Variants in EFNA5 observed in about 807,000 individuals in gnomAD.
EFNA5 encodes the protein ephrin-A5.
A neutral mutation model predicts 22.9 loss-of-function variants in EFNA5; 5 were observed. The observed-to-expected ratio is 0.22, with a 90% CI of 0.11 to 0.46. The LOEUF (loss-of-function observed/expected upper bound fraction) is 0.46. Among genes scored for constraint, EFNA5 ranks in the 20% least tolerant of loss-of-function variants. The probability of loss-of-function intolerance (pLI) is 0.99; values close to 1 mark genes in which losing one functional copy is unlikely to be tolerated. For synonymous variants in EFNA5, 113 were observed against 112.2 expected (o/e 1.01, Z -0.04); for missense variants, 237 against 293.3 (o/e 0.81, Z 1.40).
chr5:107,629,096 TC>T (rs947136672), intron 1 of EFNA5, among the ~76,000 whole-genome samples: 9 of 152,190 alleles, frequency 5.9e-5, no homozygotes, highest in African/African-American at 1.9e-4. Context: ...CCTTTGAACT[TC>T]CATTATATTG....
At chr5:107,583,126 A>G (rs915868649) in intron 1 of EFNA5, among the ~76,000 whole-genome samples, 1 of 152,214 alleles carries the variant, frequency 6.6e-6, no homozygotes, top group Non-Finnish European at 1.5e-5. Context: ...ATTTAGGTAT[A>G]CAAAGATCCA....
intron 1 of EFNA5, among the ~76,000 whole-genome samples, chr5:107,462,741 T>A (rs908096403): frequency 2.6e-5 from 4 of 152,180 alleles, no homozygotes; most frequent in Admixed American, 6.5e-5. Context: ...TGGAAAAGCA[T>A]CACATCTGTT....
At chr5:107,608,814 C>A (rs979248204) in intron 1 of EFNA5, among the ~76,000 whole-genome samples, 1 of 152,210 alleles carries the variant, frequency 6.6e-6, no homozygotes, top group Admixed American at 6.5e-5. Context: ...CTGGTCCCAA[C>A]GCTCGGTTTA....
chr5:107,387,362 C>G, intron 3 of EFNA5, 47 bp from the exon 4 acceptor site: 5 of 1,215,714 alleles, frequency 4.1e-6, no homozygotes, highest in Non-Finnish European at 5.9e-6. Flanking sequence ...GTGAAGACAC[C>G]CTTAAACTCC....
chr5:107,569,859 AAAC>A (rs1459497531), intron 1 of EFNA5, among the ~76,000 whole-genome samples: 7 of 150,578 alleles, frequency 4.6e-5, no homozygotes, highest in Non-Finnish European at 7.4e-5. Flanking sequence ...AAAAGCAAAC[AAAC>A]AACACAAGAG....
intron 2 of EFNA5, among the ~76,000 whole-genome samples, chr5:107,394,480 A>G (rs951052156): frequency 1.2e-4 from 18 of 152,232 alleles, no homozygotes; most frequent in Admixed American, 1.0e-3. Flanking sequence ...AGGGATAGAA[A>G]AACATATTCT....
chr5:107,581,891 T>C (rs72791847), intron 1 of EFNA5, among the ~76,000 whole-genome samples: 3,653 of 152,318 alleles, frequency 0.024, 53 homozygotes, highest in Middle Eastern at 0.037. Context: ...AGATTTTAGC[T>C]ACACGTTGCA....
At position 107,403,909 on chromosome 5, in the gene EFNA5, T is replaced by A. The variant is rs190214399; in HGVS notation, c.419-16138A>T. On this transcript the variant is annotated intron_variant, in intron 2 of 4. Transcript: ENST00000333274. ...CTTAATATGGAACAACAATCAAGCA[T>A]GAGCATAAAGAGGTAAATTAGAGGC... Among the ~76,000 whole-genome samples, 36 of 152,312 alleles carry A rather than the reference T, an allele frequency of 2.4e-4. No homozygotes were observed. The East Asian group carries it at 6.2e-3, about 26-fold the overall frequency.
At chr5:107,546,629 TGAA>T (rs1487053618) in intron 1 of EFNA5, among the ~76,000 whole-genome samples, 1 of 150,538 alleles carries the variant, frequency 6.6e-6, no homozygotes, top group Non-Finnish European at 1.5e-5. Flanking sequence ...TTGTCAGAGT[TGAA>T]GGTTTTTCTG....
chr5:107,464,286 T>C (rs1320626143), intron 1 of EFNA5, among the ~76,000 whole-genome samples: 3 of 152,072 alleles, frequency 2.0e-5, no homozygotes, highest in Admixed American at 2.0e-4. Flanking sequence ...AGAATATCCC[T>C]CCAATCTTCA....
chr5:107,397,085 A>C (rs72785816), intron 2 of EFNA5, among the ~76,000 whole-genome samples: 2 of 142,436 alleles, frequency 1.4e-5, no homozygotes, highest in African/African-American at 2.7e-5. Context: ...CCACTCTTTA[A>C]TTTTTTTTTT....
At chr5:107,491,556 C>T (rs1033840094) in intron 1 of EFNA5, among the ~76,000 whole-genome samples, 1 of 152,206 alleles carries the variant, frequency 6.6e-6, no homozygotes, top group Admixed American at 6.5e-5. Context: ...GGTGATCCAC[C>T]TGCCTTGGCC....
chr5:107,484,305 T>C (rs1445037696), intron 1 of EFNA5, among the ~76,000 whole-genome samples: 1 of 152,316 alleles, frequency 6.6e-6, no homozygotes, highest in East Asian at 1.9e-4. Flanking sequence ...CGCCTGGTTC[T>C]CCAAGCCGCT....
At chr5:107,512,463 C>A (rs251960) in intron 1 of EFNA5, among the ~76,000 whole-genome samples, 15,807 of 151,090 alleles carry the variant, frequency 0.1, 962 homozygotes, top group African/African-American at 0.15. Flanking sequence ...TTTTTTTTTA[C>A]CTTCTAGGAG....
chr5:107,503,754 C>G, intron 1 of EFNA5, among the ~76,000 whole-genome samples: 1 of 152,132 alleles, frequency 6.6e-6, no homozygotes. Context: ...AAATTATTAT[C>G]TTCATAACCA....
chr5:107,594,475 A>G (rs58391909), intron 1 of EFNA5, among the ~76,000 whole-genome samples: 41,287 of 152,022 alleles, frequency 0.27, 7,980 homozygotes, highest in African/African-American at 0.55. Context: ...AGAGGTTTGG[A>G]TAAGTGTGCC....
chr5:107,467,650 C>G (rs1301907605), intron 1 of EFNA5, among the ~76,000 whole-genome samples: 5 of 152,130 alleles, frequency 3.3e-5, no homozygotes, highest in African/African-American at 9.7e-5. Context: ...GGTCTCACAG[C>G]CTGTTCATCA....
At chr5:107,432,867 G>A (rs1749000287) in intron 1 of EFNA5, among the ~76,000 whole-genome samples, 1 of 152,124 alleles carries the variant, frequency 6.6e-6, no homozygotes, top group Non-Finnish European at 1.5e-5. Flanking sequence ...GAGACAGCAA[G>A]ACCAATCCCT....
chr5:107,578,480 C>T (rs1256139677), intron 1 of EFNA5, among the ~76,000 whole-genome samples: 3 of 152,094 alleles, frequency 2.0e-5, no homozygotes, highest in African/African-American at 7.2e-5. Flanking sequence ...CAGTTCTAAT[C>T]AGTAGAGGAA....
Sources: allele counts gnomAD v4.1 joint callset (sites outside exome capture counted in the v4.1 genomes callset), GRCh38; gene constraint gnomAD v4.1.1; transcripts MANE v1.5; gene names NCBI Gene and HGNC (gene_info 2026-07-23, HGNC 2026-07-21).